The following GRIK3 variants were observed in gnomAD, a reference collection of about 807,000 sequenced individuals.
GRIK3 encodes the protein glutamate ionotropic receptor kainate type subunit 3.
GRIK3 carries 29 observed loss-of-function variants against 102.5 expected under a neutral mutation model. The ratio of observed to expected loss-of-function variants is 0.28; its 90% CI spans 0.21 to 0.39. The LOEUF (loss-of-function observed/expected upper bound fraction) is 0.39, where lower values mean the gene tolerates loss of function less well. GRIK3 is among the 10% of genes least tolerant of loss of function. GRIK3 has a pLI of 1.00. For synonymous variants in GRIK3, 511 were observed against 504.9 expected (o/e 1.01, Z -0.16); for missense variants, 908 against 1,252.4 (o/e 0.73, Z 4.15).
rs540573270 is a variant in GRIK3 at position 36,841,937 on chromosome 1, C to T, written c.1329G>A (p.Glu443=). ...NRSLIVTTVL[E]EPFVMFRKSD... ...ATTTCCGAAACATGACGAAGGGCTC[C>T]TCCTGCAGAGACAGATGGGCAGGGT... Residue 443 remains glutamate, a splice_region_variant and synonymous_variant, in exon 10 of 16, where the codon GAG becomes GAA. Transcript: ENST00000373091. 1.9e-6 allele frequency: 3 copies of T among 1,613,940 alleles called. No individual in the cohort carries two copies. The East Asian group carries it at 6.7e-5, about 36-fold the overall frequency.
At chr1:36,804,416 C>A (rs1642475557) in intron 15 of GRIK3, among the ~76,000 whole-genome samples, 1 of 152,200 alleles carries the variant, frequency 6.6e-6, no homozygotes, top group African/African-American at 2.4e-5. Flanking sequence ...CCCTGTGATT[C>A]TAATTTGCTA....
intron 10 of GRIK3, among the ~76,000 whole-genome samples, chr1:36,838,807 A>G (rs526377): frequency 0.013 from 1,997 of 152,290 alleles, 42 homozygotes; most frequent in African/African-American, 0.045. Context: ...AAGACTAATT[A>G]TCTGACGACA....
In GRIK3 at chr1:36,817,181, A is replaced by G; in HGVS notation, c.1970T>C (p.Leu657Pro). Reference sequence around the variant, plus strand: ...GCGCTCCACGGTCAGAAAGGCAGCCAGGTTGGCCGTGTAGGAAGAGATGAT... The same window carrying G: ...GCGCTCCACGGTCAGAAAGGCAGCCGGGTTGGCCGTGTAGGAAGAGATGAT... ...LIIISSYTAN[L>P]AAFLTVERME... The change falls in exon 13 of 16, where the codon CTG becomes CCG. Residue 657 changes from leucine (L) to proline (P), a missense_variant. Transcript: ENST00000373091. 6.2e-7 allele frequency: 1 copy of G among 1,614,026 alleles called. No homozygotes were observed. The highest frequency in any genetic ancestry group is 8.5e-7 in the Non-Finnish European group (1 of 1,179,894).
At chr1:36,963,417 G>C (rs913085767) in intron 1 of GRIK3, among the ~76,000 whole-genome samples, 2 of 152,204 alleles carry the variant, frequency 1.3e-5, no homozygotes, top group Non-Finnish European at 2.9e-5. Context: ...TGCCTGGGAG[G>C]AGGCTTGGGA....
chr1:36,884,915 T>C (rs1641021071), intron 2 of GRIK3, among the ~76,000 whole-genome samples: 1 of 152,228 alleles, frequency 6.6e-6, no homozygotes, highest in Non-Finnish European at 1.5e-5. Flanking sequence ...GGTCTGGGCA[T>C]GTTGTTGGAC....
At chr1:36,908,249 G>C (rs1004407465) in intron 1 of GRIK3, among the ~76,000 whole-genome samples, 2 of 152,200 alleles carry the variant, frequency 1.3e-5, no homozygotes, top group Admixed American at 6.5e-5. Flanking sequence ...GCTTCCAGGG[G>C]ACCTGACCTA....
intron 1 of GRIK3, among the ~76,000 whole-genome samples, chr1:36,912,259 G>A (rs180737122): frequency 1.8e-4 from 28 of 152,200 alleles, no homozygotes; most frequent in African/African-American, 6.0e-4. Context: ...CAGCTTCCAC[G>A]ATCTCTGATA....
intron 2 of GRIK3, among the ~76,000 whole-genome samples, chr1:36,887,769 A>T (rs201040797): frequency 0.066 from 5,978 of 89,914 alleles, 149 homozygotes; most frequent in South Asian, 0.15. Flanking sequence ...AAAAAAAAAA[A>T]AAATATATAT....
intron 1 of GRIK3, among the ~76,000 whole-genome samples, chr1:37,027,957 G>A (rs966163381): frequency 1.7e-4 from 26 of 152,152 alleles, no homozygotes; most frequent in South Asian, 6.2e-4. Context: ...CCAACCCACG[G>A]TGTCTGTGAC....
intron 2 of GRIK3, among the ~76,000 whole-genome samples, chr1:36,887,770 AAATAT>A (rs1217154531): frequency 4.6e-4 from 50 of 108,362 alleles, no homozygotes; most frequent in African/African-American, 1.7e-3. Context: ...AAAAAAAAAA[AAATAT>A]ATATATATAT....
At chr1:36,838,139 GA>G in intron 10 of GRIK3, among the ~76,000 whole-genome samples, 1 of 152,312 alleles carries the variant, frequency 6.6e-6, no homozygotes, top group East Asian at 1.9e-4. Context: ...TGAGCACTGG[GA>G]ACTTGGCGAA....
rs1371756877 is a variant in GRIK3, at chr1:36,826,679, AT to A, written c.1531-854del. On this transcript the variant is annotated intron_variant, in intron 10 of 15. Coordinates refer to ENST00000373091, the MANE Select transcript of GRIK3 (RefSeq NM_000831.4). Reference sequence around the variant, plus strand: ...ACAGAGTGAGATCTTGTTTCAAAAAATAAAAAAAAAAAAAAAGAAAAGAAAC... The same window carrying A: ...ACAGAGTGAGATCTTGTTTCAAAAAAAAAAAAAAAAAAAAAGAAAAGAAAC... Among the ~76,000 whole-genome samples the A allele has an allele frequency of 3.0e-3, 423 of 140,216 alleles. 1 individual carries two copies. The highest frequency in any genetic ancestry group is 0.01 in the African/African-American group (379 of 36,254). The allele number at this position is 140,216 out of a possible 152,430, so 92.0% of individuals were successfully genotyped here.
At chr1:36,898,677 T>A (rs1428254891) in intron 1 of GRIK3, among the ~76,000 whole-genome samples, 2 of 152,158 alleles carry the variant, frequency 1.3e-5, no homozygotes, top group Non-Finnish European at 2.9e-5. Flanking sequence ...CAATGACATT[T>A]TTTTGCAGAA....
In GRIK3 at chr1:36,799,160, A is replaced by G. The variant is rs1642403454; in HGVS notation, c.*2691T>C. On this transcript the variant is annotated 3_prime_UTR_variant, in exon 16 of 16. Transcript: ENST00000373091. ...ACAAAAAAGAGTTTTCCCTTCAAACAGGACATGATGTCCACAGCAAAGGCA... is the reference window on the plus strand; with the variant it reads ...ACAAAAAAGAGTTTTCCCTTCAAACGGGACATGATGTCCACAGCAAAGGCA... 2 of 152,360 alleles carry G rather than the reference A, an allele frequency of 1.3e-5. No homozygotes were observed. Among genetic ancestry groups the G allele is most frequent in the South Asian group, 4.1e-4 (2 of 4,830 alleles). 9.4% of individuals were successfully genotyped at this position (152,360 alleles called of 1,614,324 possible).
intron 9 of GRIK3, 45 bp from the exon 10 acceptor site, chr1:36,841,984 G>T: frequency 2.0e-6 from 3 of 1,514,234 alleles, no homozygotes; most frequent in Non-Finnish European, 2.8e-6. Context: ...TGAGCAGCTA[G>T]GGCGGAGGCA....
chr1:36,805,512 C>T (rs1260991593), intron 14 of GRIK3, among the ~76,000 whole-genome samples: 1 of 152,216 alleles, frequency 6.6e-6, no homozygotes, highest in Non-Finnish European at 1.5e-5. Flanking sequence ...GGGGCAGGGG[C>T]AGGAGAGGGA....
chr1:36,976,169 G>A (rs1251880365), intron 1 of GRIK3, among the ~76,000 whole-genome samples: 1 of 152,158 alleles, frequency 6.6e-6, no homozygotes, highest in Non-Finnish European at 1.5e-5. Flanking sequence ...GAAGCTGGAT[G>A]TGCGATGGGC....
In GRIK3 at chr1:36,800,548, G is replaced by A. The variant is rs1642429537; in HGVS notation, c.*1303C>T. ...CTCTGGACAACAGACAAGGGGCCAG[G>A]ATGGCCTCATGTCTCTGTGTGGGGT... is the stretch of plus-strand genomic sequence containing the variant. On this transcript the variant is annotated 3_prime_UTR_variant, in exon 16 of 16. Coordinates refer to ENST00000373091, the MANE Select transcript of GRIK3 (RefSeq NM_000831.4). 1 of 152,236 alleles carries A rather than the reference G, an allele frequency of 6.6e-6. No individual in the cohort carries two copies. The highest frequency in any genetic ancestry group is 6.5e-5 in the Admixed American group (1 of 15,288). The allele number at this position is 152,236 out of a possible 1,614,324, so 9.4% of individuals were successfully genotyped here.
intron 1 of GRIK3, among the ~76,000 whole-genome samples, chr1:36,965,107 G>A (rs2124352212): frequency 6.6e-6 from 1 of 152,284 alleles, no homozygotes; most frequent in African/African-American, 2.4e-5. Flanking sequence ...TGATCCCAGA[G>A]CTGTCCTCAC....
Sources: gnomAD v4.1 joint callset for allele counts (sites outside exome capture counted in the v4.1 genomes callset) on GRCh38, gnomAD v4.1.1 for gene constraint, MANE v1.5 for transcripts, NCBI Gene and HGNC (gene_info 2026-07-23, HGNC 2026-07-21) for gene names.